Variants in PTPRR observed in about 807,000 individuals in gnomAD.
The protein encoded by PTPRR is receptor-type tyrosine-protein phosphatase R.
PTPRR carries 38 observed loss-of-function variants against 77.2 expected under a neutral mutation model. That is an observed-to-expected ratio of 0.49 (90% CI 0.38 to 0.65). PTPRR has a LOEUF of 0.65. Ranked by LOEUF, PTPRR falls within the 30% of genes least tolerant of loss-of-function variation. PTPRR has a pLI of 0.00. For synonymous variants in PTPRR, 299 were observed against 283.1 expected (o/e 1.06, Z -0.57); for missense variants, 744 against 799.2 (o/e 0.93, Z 0.83).
At chr12:70,723,248 G>A (rs1412946830) in intron 6 of PTPRR, among the ~76,000 whole-genome samples, 1 of 152,014 alleles carries the variant, frequency 6.6e-6, no homozygotes, top group Admixed American at 6.5e-5. Context: ...ATAAACTACA[G>A]ATAAGAGACT....
intron 4 of PTPRR, among the ~76,000 whole-genome samples, 181 bp downstream of exon 4, chr12:70,761,290 C>T (rs1890685107): frequency 6.6e-6 from 1 of 152,166 alleles, no homozygotes; most frequent in Admixed American, 6.5e-5. Flanking sequence ...TGTGAAAGTG[C>T]ATTTCCTTAA....
At chr12:70,830,687 C>T (rs1005810028) in intron 2 of PTPRR, among the ~76,000 whole-genome samples, 1 of 152,190 alleles carries the variant, frequency 6.6e-6, no homozygotes, top group Non-Finnish European at 1.5e-5. Context: ...AACACAGTCA[C>T]CTGACAAGGC....
At chr12:70,819,300 G>A (rs913112089) in intron 2 of PTPRR, among the ~76,000 whole-genome samples, 1 of 152,194 alleles carries the variant, frequency 6.6e-6, no homozygotes, top group Non-Finnish European at 1.5e-5. Flanking sequence ...GTGAGACTCT[G>A]TCTCAAAACA....
chr12:70,733,382 C>T (rs1437028387), intron 6 of PTPRR, among the ~76,000 whole-genome samples: 3 of 141,796 alleles, frequency 2.1e-5, no homozygotes, highest in Non-Finnish European at 3.0e-5. Flanking sequence ...ATGCCTTACC[C>T]GCCAGAGAGG....
At chr12:70,891,533 C>T (rs147420643) in intron 2 of PTPRR, among the ~76,000 whole-genome samples, 2 of 152,200 alleles carry the variant, frequency 1.3e-5, no homozygotes, top group South Asian at 2.1e-4. Flanking sequence ...CATATTTTCT[C>T]TTAACAAGAG....
At chr12:70,846,122 T>A (rs76833490) in intron 2 of PTPRR, among the ~76,000 whole-genome samples, 1,564 of 152,240 alleles carry the variant, frequency 0.01, 21 homozygotes, top group South Asian at 0.059. Flanking sequence ...ATTTGAAGAA[T>A]CTAAATAACA....
At chr12:70,659,296 G>T (rs182368242) in intron 12 of PTPRR, among the ~76,000 whole-genome samples, 266 of 152,224 alleles carry the variant, frequency 1.7e-3, no homozygotes, top group Non-Finnish European at 2.7e-3. Context: ...GGGGAATGCG[G>T]TATGTGTGTG....
chr12:70,785,028 A>G (rs910543754), intron 2 of PTPRR, among the ~76,000 whole-genome samples: 4 of 152,188 alleles, frequency 2.6e-5, no homozygotes. Context: ...GAATATATAT[A>G]TTCGAGGTTG....
At chr12:70,714,849 G>T (rs575955988) in intron 6 of PTPRR, among the ~76,000 whole-genome samples, 79 of 152,170 alleles carry the variant, frequency 5.2e-4, no homozygotes, top group African/African-American at 1.8e-3. Context: ...GCTGGGCATG[G>T]TGGTGTGTTC....
chr12:70,896,567 A>G (rs2137121314), intron 1 of PTPRR, among the ~76,000 whole-genome samples: 1 of 151,936 alleles, frequency 6.6e-6, no homozygotes, highest in Admixed American at 6.6e-5. Context: ...AGTAACAGAA[A>G]GAAAAGAAGA....
At chr12:70,878,203 G>A (rs1261934583) in intron 2 of PTPRR, among the ~76,000 whole-genome samples, 4 of 152,168 alleles carry the variant, frequency 2.6e-5, no homozygotes, top group African/African-American at 9.7e-5. Context: ...AGGACTTCAT[G>A]ACTAAAACAC....
chr12:70,650,502 A>G (rs1455215344), intron 13 of PTPRR, among the ~76,000 whole-genome samples: 1 of 152,124 alleles, frequency 6.6e-6, no homozygotes, highest in Non-Finnish European at 1.5e-5. Flanking sequence ...TCAAGAACCT[A>G]CTTTGTGCCT....
intron 1 of PTPRR, among the ~76,000 whole-genome samples, chr12:70,917,714 A>C (rs1348674617): frequency 2.0e-5 from 3 of 152,174 alleles, no homozygotes; most frequent in Non-Finnish European, 4.4e-5. Flanking sequence ...GGCAACCATA[A>C]GCAAAATAAT....
chr12:70,892,465 A>G (rs922325183), intron 2 of PTPRR, among the ~76,000 whole-genome samples: 1 of 152,098 alleles, frequency 6.6e-6, no homozygotes, highest in African/African-American at 2.4e-5. Flanking sequence ...TTCTGCTATG[A>G]GCGGAGGATA....
At chr12:70,709,092 G>A (rs1003408530) in intron 6 of PTPRR, among the ~76,000 whole-genome samples, 1 of 151,908 alleles carries the variant, frequency 6.6e-6, no homozygotes, top group Admixed American at 6.6e-5. Context: ...ACTGGCAAAC[G>A]AAATCCAGCA....
Position 70,745,928 on chromosome 12 carries a change from C to G in PTPRR, c.897G>C (p.Leu299=), listed in dbSNP as rs1890199962. ...MVQPEQAPKV[L]NVVVDPQGRG... The stretch of plus-strand genomic sequence containing the variant: ...GGCCTTGAGGGTCCACGACAACATT[C>G]AGTACCTTTGGGGCCTGCTCAGGTT... Residue 299 remains leucine (L), a synonymous_variant, in exon 6 of 14, where the codon CTG becomes CTC. Coordinates refer to ENST00000283228, the MANE Select transcript of PTPRR (RefSeq NM_002849.4). 6.2e-7 allele frequency: 1 copy of G among 1,614,012 alleles called. No individual in the cohort carries two copies. The highest frequency in any genetic ancestry group is 1.1e-5 in the South Asian group (1 of 91,082).
At chr12:70,828,877 G>C (rs1892162367) in intron 2 of PTPRR, among the ~76,000 whole-genome samples, 1 of 152,108 alleles carries the variant, frequency 6.6e-6, no homozygotes, top group Non-Finnish European at 1.5e-5. Context: ...ATGAAAGCCA[G>C]GTCTTCTAAT....
intron 6 of PTPRR, among the ~76,000 whole-genome samples, chr12:70,740,325 G>T (rs977457341): frequency 6.6e-6 from 1 of 151,526 alleles, no homozygotes; most frequent in East Asian, 1.9e-4. Context: ...ATGATTTGGC[G>T]ATTAGTTTGA....
chr12:70,738,805 G>A (rs1477730706), intron 6 of PTPRR, among the ~76,000 whole-genome samples: 1 of 152,224 alleles, frequency 6.6e-6, no homozygotes, highest in Non-Finnish European at 1.5e-5. Flanking sequence ...CACTGTGCCA[G>A]CCATGTGACA....
Sources: allele counts gnomAD v4.1 joint callset (sites outside exome capture counted in the v4.1 genomes callset), GRCh38; gene constraint gnomAD v4.1.1; transcripts MANE v1.5; gene names NCBI Gene and HGNC (gene_info 2026-07-23, HGNC 2026-07-21).